SERPINB7: variants seen among roughly 807,000 people sequenced by gnomAD.
SERPINB7 encodes the protein serpin family B member 7.
SERPINB7 carries 31 observed loss-of-function variants against 37.4 expected under a neutral mutation model. The observed-to-expected ratio is 0.83, with a 90% CI of 0.62 to 1.12. SERPINB7 has a LOEUF of 1.12. SERPINB7 is among the 50% of genes most tolerant of loss of function. The pLI is 0.00. For missense variants in SERPINB7, 521 were observed against 455.3 expected, an observed-to-expected ratio of 1.14 and a Z score of -1.31; for synonymous variants, 163 against 166.1, an observed-to-expected ratio of 0.98 and a Z score of 0.14.
At chr18:63,762,631 T>C (rs1423019771) in intron 1 of SERPINB7, among the ~76,000 whole-genome samples, 2 of 152,186 alleles carry the variant, frequency 1.3e-5, no homozygotes, top group Non-Finnish European at 2.9e-5. Context: ...ATGATAGCTC[T>C]GGGGGAGTGA....
intron 5 of SERPINB7, 80 bp from the exon 6 acceptor site, chr18:63,798,524 A>G (rs1430021535): frequency 6.1e-6 from 7 of 1,149,916 alleles, no homozygotes; most frequent in East Asian, 5.3e-5. Flanking sequence ...AAAAAACTTC[A>G]TACCAATTAA....
At chr18:63,771,688 A>G (rs2049212235), upstream of SERPINB7, among the ~76,000 whole-genome samples, 1 of 152,126 alleles carries the variant, frequency 6.6e-6, no homozygotes, top group Non-Finnish European at 1.5e-5. Flanking sequence ...CTCTGAGTTG[A>G]AAGGGTTTAC....
chr18:63,787,476 A>C (rs2049384087), intron 2 of SERPINB7, among the ~76,000 whole-genome samples: 1 of 152,182 alleles, frequency 6.6e-6, no homozygotes, highest in Admixed American at 6.5e-5. Context: ...CTTTATTCAA[A>C]AAGTTAAGGA....
At chr18:63,774,871 G>A (rs1046875376), upstream of SERPINB7, among the ~76,000 whole-genome samples, 1 of 152,044 alleles carries the variant, frequency 6.6e-6, no homozygotes, top group Non-Finnish European at 1.5e-5. Flanking sequence ...AAGAGGGAAG[G>A]ATGGAAAGCA....
Position 63,804,385 on chromosome 18 carries a change from A to T in SERPINB7, c.893A>T (p.Asp298Val), listed in dbSNP as rs1201013576. ...TATTTGAGAGCCCTAGGGCTGAAAG[A>T]TATCTTTGATGAATCCAAAGCAGAT... ...KQYLRALGLK[D>V]IFDESKADLS... The change falls in exon 8 of 8, where the codon GAT becomes GTT. Residue 298 changes from aspartate (D) to valine (V), a missense_variant. Transcript: ENST00000398019. 7 of 1,613,870 alleles carry T rather than the reference A, an allele frequency of 4.3e-6. No homozygotes were observed. The East Asian group carries it at 1.3e-4, about 31-fold the overall frequency.
intron 4 of SERPINB7, among the ~76,000 whole-genome samples, chr18:63,794,150 C>T (rs1328397157): frequency 9.5e-5 from 11 of 116,020 alleles, no homozygotes; most frequent in African/African-American, 3.3e-4. Flanking sequence ...TTAGTAGAGA[C>T]GGGGATTTGC....
At chr18:63,785,953 TTATATATACACATATATAATATACG>T (rs1568209228) in intron 2 of SERPINB7, among the ~76,000 whole-genome samples, 4 of 83,114 alleles carry the variant, frequency 4.8e-5, no homozygotes, top group Admixed American at 1.2e-4. Context: ...TATAATATAC[TTATATATACACATATATAATATACG>T]TATATATACA....
chr18:63,801,066 T>C lies in SERPINB7; in HGVS notation c.744+54T>C, dbSNP rs1451145496. 103 of 1,562,362 alleles carry C rather than the reference T, an allele frequency of 6.6e-5. 2 individuals carry two copies. In the East Asian group the frequency reaches 2.2e-3, roughly 34 times the overall value. On this transcript the variant is annotated intron_variant, in intron 7 of 7. Transcript: ENST00000398019. The stretch of plus-strand genomic sequence containing the variant: ...GGGAAATAAGACTTTTAGGATACTG[T>C]TGATTGAGTTTTCACTGATAAACTG...
upstream of SERPINB7, among the ~76,000 whole-genome samples, chr18:63,772,524 A>G (rs2049217235): frequency 6.6e-6 from 1 of 152,258 alleles, no homozygotes; most frequent in South Asian, 2.1e-4. Context: ...CTTTTTCATG[A>G]CAAATAATGA....
Position 63,800,902 on chromosome 18 carries a change from C to G in SERPINB7, c.634C>G (p.Arg212Gly), listed in dbSNP as rs374610296. The change falls in exon 7 of 8, where the codon CGG (arginine) becomes GGG (glycine). Residue 212 changes from arginine to glycine, a missense_variant. Coordinates refer to ENST00000398019, the MANE Select transcript of SERPINB7 (RefSeq NM_003784.4). ...GGCAGTCGCCATGATGCATCAGGAA[C>G]GGAAGTTCAATTTGTCTGTTATTGA... ...GKAVAMMHQE[R>G]KFNLSVIEDP... 32 of 1,613,752 alleles carry G rather than the reference C, an allele frequency of 2.0e-5. No individual in the cohort carries two copies. The highest frequency in any genetic ancestry group is 5.0e-5 in the Admixed American group (3 of 59,990).
intron 2 of SERPINB7, among the ~76,000 whole-genome samples, chr18:63,786,586 AG>A (rs1173083164): frequency 1.3e-5 from 2 of 151,038 alleles, no homozygotes; most frequent in Non-Finnish European, 1.5e-5. Flanking sequence ...ATGAATATGC[AG>A]GTAGAAGCCC....
intron 5 of SERPINB7, among the ~76,000 whole-genome samples, chr18:63,797,234 A>T (rs1347385551): frequency 6.6e-6 from 1 of 152,222 alleles, no homozygotes; most frequent in African/African-American, 2.4e-5. Context: ...GCTGTGCCTC[A>T]GAAATATGAT....
At chr18:63,767,014 T>C (rs2049184245) in intron 1 of SERPINB7, among the ~76,000 whole-genome samples, 1 of 152,158 alleles carries the variant, frequency 6.6e-6, no homozygotes, top group Admixed American at 6.6e-5. Flanking sequence ...CCATCTCCAC[T>C]GCTACATCTC....
intron 1 of SERPINB7, among the ~76,000 whole-genome samples, chr18:63,757,908 T>G (rs1362861672): frequency 6.6e-6 from 1 of 152,236 alleles, no homozygotes; most frequent in Non-Finnish European, 1.5e-5. Context: ...CTTGATTGCC[T>G]ATGAATCCCT....
At chr18:63,763,403 T>C (rs1411604927) in intron 1 of SERPINB7, among the ~76,000 whole-genome samples, 3 of 152,240 alleles carry the variant, frequency 2.0e-5, no homozygotes, top group African/African-American at 4.8e-5. Context: ...ATTTTCAATC[T>C]AACATGGTTT....
chr18:63,762,073 C>T (rs949114999), intron 1 of SERPINB7, among the ~76,000 whole-genome samples: 3 of 152,172 alleles, frequency 2.0e-5, no homozygotes, highest in Non-Finnish European at 2.9e-5. Context: ...CATGCCACCT[C>T]GTAATTGCTT....
chr18:63,797,577 TA>T (rs528858006), intron 5 of SERPINB7, among the ~76,000 whole-genome samples: 76 of 152,350 alleles, frequency 5.0e-4, no homozygotes, highest in African/African-American at 1.8e-3. Context: ...TAATTTTTCA[TA>T]AGCATATCTA....
At position 63,798,673 on chromosome 18, in the gene SERPINB7, T is replaced by C. The variant is rs1352383003; in HGVS notation, c.524T>C (p.Val175Ala). Residue 175 changes from valine to alanine, a missense_variant, in exon 6 of 8, where the codon GTG becomes GCG. Coordinates refer to ENST00000398019, the MANE Select transcript of SERPINB7 (RefSeq NM_003784.4). Reference sequence around the variant, plus strand: ...GCTGTAATGGTGCTGGTGAATGCTGTGTACTTCAAAGGCAAGTGGCAATCA... The same window carrying C: ...GCTGTAATGGTGCTGGTGAATGCTGCGTACTTCAAAGGCAAGTGGCAATCA... Reference protein sequence around the residue: ...SSAVMVLVNAVYFKGKWQSAF... With the variant: ...SSAVMVLVNAAYFKGKWQSAF... The C allele has an allele frequency of 6.2e-7, 1 of 1,613,078 alleles. No individual in the cohort carries two copies. The highest frequency in any genetic ancestry group is 8.5e-7 in the Non-Finnish European group (1 of 1,179,536).
At position 63,792,360 on chromosome 18, in the gene SERPINB7, C is replaced by CT. The variant is rs550874023; in HGVS notation, c.169-32dup. 4.3e-4 allele frequency: 651 copies of CT among 1,515,086 alleles called. 1 individual carries two copies. In the African/African-American group the frequency reaches 6.8e-3, roughly 16 times the overall value. The allele number at this position is 1,515,086 out of a possible 1,614,324, so 93.9% of individuals were successfully genotyped here. A position where few individuals can be genotyped will look rare whatever the true frequency, so the allele number is the denominator to read the frequency against. ...CAAACTGTTCTCGTAACCTCTGATT[C>CT]TAATGATTGCTTTCCTTGTGCCCTG... On this transcript the variant is annotated intron_variant, in intron 2 of 7. Transcript: ENST00000398019.
Sources: allele counts gnomAD v4.1 joint callset (sites outside exome capture counted in the v4.1 genomes callset), GRCh38; gene constraint gnomAD v4.1.1; transcripts MANE v1.5; gene names NCBI Gene and HGNC (gene_info 2026-07-23, HGNC 2026-07-21).